LMLN: variants seen among roughly 807,000 people sequenced by gnomAD.
The protein encoded by LMLN is leishmanolysin-like peptidase.
A neutral mutation model predicts 92.3 loss-of-function variants in LMLN; 70 were observed. The observed-to-expected ratio is 0.76, with a 90% CI of 0.63 to 0.92. The LOEUF is 0.92. Ranked by LOEUF, LMLN falls within the 40% of genes least tolerant of loss-of-function variation. The pLI is 0.00. For missense variants in LMLN, 691 were observed against 814.6 expected, an observed-to-expected ratio of 0.85 and a Z score of 1.85; for synonymous variants, 308 against 296.2, an observed-to-expected ratio of 1.04 and a Z score of -0.41.
At chr3:197,962,405 A>G (rs1290802226) in intron 1 of LMLN, among the ~76,000 whole-genome samples, 1 of 152,178 alleles carries the variant, frequency 6.6e-6, no homozygotes, top group Non-Finnish European at 1.5e-5. Context: ...GGTTTCTTCC[A>G]GATTTTAGCT....
chr3:197,995,186 A>C (rs1447150529), intron 9 of LMLN, among the ~76,000 whole-genome samples: 1 of 152,224 alleles, frequency 6.6e-6, no homozygotes, highest in African/African-American at 2.4e-5. Context: ...TTTCTTACTG[A>C]TGATATTTTT....
chr3:198,024,413 C>T (rs1256126012), intron 13 of LMLN, among the ~76,000 whole-genome samples: 2 of 152,114 alleles, frequency 1.3e-5, no homozygotes, highest in East Asian at 1.9e-4. Flanking sequence ...GACGGGGTTT[C>T]ACCACGTTAG....
In LMLN at chr3:198,025,927, A is replaced by G. The variant is rs115618002; in HGVS notation, c.1656+1139A>G. On this transcript the variant is annotated intron_variant, in intron 14 of 15. Coordinates refer to ENST00000330198, the Ensembl canonical transcript of LMLN. The surrounding 1 kb of genome is among the most constrained non-coding windows in gnomAD (Gnocchi z 4.3). ...ACTCTTATCATTAGTTACTTATCAA[A>G]TTAACGTTTTTTTTGGTAACTGCTT... Among the ~76,000 whole-genome samples, 2,468 of 152,040 alleles carry G rather than the reference A, an allele frequency of 0.016. 29 individuals carry two copies. Among genetic ancestry groups the G allele is most frequent in the Non-Finnish European group, 0.026 (1,791 of 67,950 alleles).
intron 8 of LMLN, among the ~76,000 whole-genome samples, chr3:197,986,306 C>T (rs1459889043): frequency 1.3e-5 from 2 of 152,106 alleles, no homozygotes; most frequent in African/African-American, 2.4e-5. Flanking sequence ...CAAAAAAATA[C>T]AAAAATTAGC....
intron 11 of LMLN, among the ~76,000 whole-genome samples, chr3:198,011,932 A>T (rs1581167048): frequency 6.6e-6 from 1 of 152,260 alleles, no homozygotes; most frequent in East Asian, 1.9e-4. Context: ...ATCAGAGTGA[A>T]CAGGCAACCT....
chr3:197,980,167 G>A (rs1289886701), intron 5 of LMLN, among the ~76,000 whole-genome samples, 159 bp from the exon 6 acceptor site: 1 of 152,156 alleles, frequency 6.6e-6, no homozygotes, highest in Non-Finnish European at 1.5e-5. Context: ...TTAGAGCTAG[G>A]TATTGAGTAG....
exon 15 of LMLN, chr3:198,035,842 T>A (rs753610494): frequency 2.5e-6 from 4 of 1,613,572 alleles, no homozygotes; most frequent in South Asian, 1.1e-5. Context: ...GGTTTCTTGT[T>A]CTCCTCAAGG....
chr3:197,961,016 G>T (rs981161671), intron 1 of LMLN, among the ~76,000 whole-genome samples: 4 of 151,978 alleles, frequency 2.6e-5, no homozygotes, highest in African/African-American at 9.7e-5. Flanking sequence ...GTGCCTGCCC[G>T]CCTCCCATCC....
intron 11 of LMLN, among the ~76,000 whole-genome samples, chr3:198,000,766 T>A (rs530757390): frequency 1.3e-5 from 2 of 152,076 alleles, no homozygotes; most frequent in African/African-American, 4.8e-5. Flanking sequence ...TGAGTAAATA[T>A]CTGTAAAGCT....
chr3:198,012,632 T>G (rs1228283465), intron 11 of LMLN, among the ~76,000 whole-genome samples: 1 of 151,508 alleles, frequency 6.6e-6, no homozygotes, highest in Admixed American at 6.6e-5. Flanking sequence ...GTCCCCTAAC[T>G]AGTCTGACTT....
intron 1 of LMLN, among the ~76,000 whole-genome samples, chr3:197,971,944 C>CTTTTTTTTTTTTTTTTTTT (rs756710031): frequency 7.4e-5 from 6 of 81,218 alleles, no homozygotes; most frequent in Non-Finnish European, 9.6e-5. Context: ...AGTCTCTGTT[C>CTTTTTTTTTTTTTTTTTTT]TTTTTTTTTT....
At chr3:198,040,871 T>C (rs1723384733) in exon 16 of LMLN, 1 of 126,696 alleles carries the variant, frequency 7.9e-6, no homozygotes, top group South Asian at 3.0e-4. Flanking sequence ...TCCATGGCAT[T>C]GTAACCACAA....
At chr3:198,009,393 TTATCTC>T (rs987407917) in intron 11 of LMLN, among the ~76,000 whole-genome samples, 1 of 152,212 alleles carries the variant, frequency 6.6e-6, no homozygotes. Context: ...ATTCCTCTCT[TTATCTC>T]TGATCATTTT....
chr3:198,042,129 C>A lies in LMLN; in HGVS notation c.*3462C>A. 6.6e-6 allele frequency: 1 copy of A among 152,242 alleles called. No homozygotes were observed. Among genetic ancestry groups the A allele is most frequent in the Non-Finnish European group, 1.5e-5 (1 of 68,022 alleles). The allele number at this position is 152,242 out of a possible 1,614,324, so 9.4% of individuals were successfully genotyped here. Reference sequence around the variant, plus strand: ...ATGTCTCCCGTCCTCTTCAGTAAGGCTTGAATATGATTTTACTCATCATTG... The same window carrying A: ...ATGTCTCCCGTCCTCTTCAGTAAGGATTGAATATGATTTTACTCATCATTG... On this transcript the variant is annotated 3_prime_UTR_variant, in exon 16 of 16. Coordinates refer to ENST00000330198, the Ensembl canonical transcript of LMLN. This position sits in a 1 kb window ranked among gnomAD's most constrained non-coding sequence, Gnocchi z 4.2.
chr3:197,973,134 C>G (rs1721275543), intron 1 of LMLN, among the ~76,000 whole-genome samples: 2 of 152,122 alleles, frequency 1.3e-5, no homozygotes, highest in Non-Finnish European at 2.9e-5. Context: ...AAAATACTGT[C>G]AGACAGTATA....
At chr3:197,993,527 A>T (rs958826702) in intron 9 of LMLN, among the ~76,000 whole-genome samples, 13 of 152,276 alleles carry the variant, frequency 8.5e-5, no homozygotes, top group African/African-American at 2.6e-4. Flanking sequence ...AAAAATTCTT[A>T]GGAATAAATT....
At chr3:197,998,698 T>C (rs533396977) in intron 10 of LMLN, among the ~76,000 whole-genome samples, 14 of 152,344 alleles carry the variant, frequency 9.2e-5, no homozygotes, top group African/African-American at 3.4e-4. Flanking sequence ...TCCTCATCAT[T>C]AGGTGACCTC....
intron 9 of LMLN, among the ~76,000 whole-genome samples, chr3:197,991,326 G>A (rs1481457755): frequency 1.3e-5 from 2 of 151,680 alleles, no homozygotes; most frequent in Non-Finnish European, 2.9e-5. Flanking sequence ...GGCTGGTCTC[G>A]ATCTCCTGGG....
intron 1 of LMLN, among the ~76,000 whole-genome samples, chr3:197,966,375 T>C (rs1721061219): frequency 6.6e-6 from 1 of 152,180 alleles, no homozygotes; most frequent in African/African-American, 2.4e-5. Flanking sequence ...TATCACACTG[T>C]CTGGGGCATG....
Sources: gnomAD v4.1 joint callset for allele counts (sites outside exome capture counted in the v4.1 genomes callset) on GRCh38, gnomAD v4.1.1 for gene constraint, Gnocchi (gnomAD v3.1) non-coding constraint, MANE v1.5 for transcripts, NCBI Gene and HGNC (gene_info 2026-07-23, HGNC 2026-07-21) for gene names.